The following NRK variants were observed in gnomAD, a reference collection of about 807,000 sequenced individuals.
NRK encodes the protein Nik related kinase, also known as nik-related protein kinase.
NRK carries 67 observed loss-of-function variants against 125.2 expected under a neutral mutation model. That is an observed-to-expected ratio of 0.54 (90% CI 0.44 to 0.66). The LOEUF (loss-of-function observed/expected upper bound fraction) is 0.66, where lower values mean the gene tolerates loss of function less well. Among genes scored for constraint, NRK ranks in the 30% least tolerant of loss-of-function variants. The pLI is 0.00. For synonymous variants in NRK, 458 were observed against 429.0 expected (o/e 1.07, Z -0.84); for missense variants, 1,224 against 1,192.9 (o/e 1.03, Z -0.38).
chrX:105,858,382 G>GT (rs34843921), intron 2 of NRK, among the ~76,000 whole-genome samples: 23,188 of 96,691 alleles, frequency 0.24, 2,184 homozygotes, highest in Middle Eastern at 0.33. Flanking sequence ...ACCATCTCCA[G>GT]TTTTTTTTTT....
rs1183154371 is a variant in NRK, at chrX:105,915,421, G to A, written c.2350-309G>A. Among the ~76,000 whole-genome samples the A allele has an allele frequency of 4.5e-5, 5 of 110,881 alleles. No individual in the cohort carries two copies. In the East Asian group the frequency reaches 1.4e-3, roughly 32 times the overall value. ...CTGATTTTAGACGTTCCTTTCACTT[G>A]ACATAAAATTCTTAGAAAAGTCATT... is the stretch of plus-strand genomic sequence containing the variant. On this transcript the variant is annotated intron_variant, in intron 14 of 28. Transcript: ENST00000243300.
At position 105,955,638 on chromosome X, in the gene NRK, T is replaced by A. The variant is rs1602713937; in HGVS notation, c.*38T>A. The A allele has an allele frequency of 2.9e-6, 2 of 682,372 alleles. No individual in the cohort carries two copies. The highest frequency in any genetic ancestry group is 6.9e-5 in the East Asian group (2 of 28,850). 56.2% of individuals were successfully genotyped at this position (682,372 alleles called of 1,213,427 possible). On this transcript the variant is annotated 3_prime_UTR_variant, in exon 29 of 29. Transcript: ENST00000243300. ...ATTTATTACCACATTATAAACATCATGTATAGGCAGTCTGCATCTTCAGAT... is the reference window on the plus strand; with the variant it reads ...ATTTATTACCACATTATAAACATCAAGTATAGGCAGTCTGCATCTTCAGAT...
intron 9 of NRK, 75 bp downstream of exon 9, chrX:105,900,747 C>G: frequency 3.0e-6 from 2 of 656,482 alleles, no homozygotes; most frequent in Non-Finnish European, 4.8e-6. Context: ...CTCTCTCTGT[C>G]GAAGAAGATG....
chrX:105,932,593 G>T (rs1459423151), intron 19 of NRK, among the ~76,000 whole-genome samples: 1 of 111,753 alleles, frequency 8.9e-6, no homozygotes, highest in African/African-American at 3.3e-5. Context: ...GAGAAATGGG[G>T]AGTATCTGGA....
At chrX:105,872,968 A>C (rs1384040291) in intron 2 of NRK, among the ~76,000 whole-genome samples, 1 of 111,054 alleles carries the variant, frequency 9.0e-6, no homozygotes, top group African/African-American at 3.3e-5. Flanking sequence ...TGCTATGAGA[A>C]AGCTGGCATC....
At chrX:105,837,315 T>C (rs1333178516) in intron 2 of NRK, among the ~76,000 whole-genome samples, 2 of 111,883 alleles carry the variant, frequency 1.8e-5, no homozygotes, top group Admixed American at 9.5e-5. Flanking sequence ...ATAAATAACC[T>C]GTACTGCAAA....
At chrX:105,851,128 G>T (rs2039466619) in intron 2 of NRK, among the ~76,000 whole-genome samples, 1 of 112,046 alleles carries the variant, frequency 8.9e-6, no homozygotes, top group Non-Finnish European at 1.9e-5. Context: ...AGCAGGCCTG[G>T]TCTTGCTGCC....
intron 2 of NRK, among the ~76,000 whole-genome samples, chrX:105,875,845 C>G (rs1341897649): frequency 9.0e-6 from 1 of 110,820 alleles, no homozygotes; most frequent in East Asian, 2.8e-4. Context: ...AGCCTATGAA[C>G]TTATACAAAG....
chrX:105,856,754 G>C (rs1453257433), intron 2 of NRK, among the ~76,000 whole-genome samples: 2 of 111,533 alleles, frequency 1.8e-5, no homozygotes, highest in African/African-American at 6.5e-5. Context: ...TCAGTGAGTG[G>C]GTTTTTGAGG....
chrX:105,872,816 T>A (rs779642241), intron 2 of NRK, among the ~76,000 whole-genome samples: 6 of 111,496 alleles, frequency 5.4e-5, no homozygotes, highest in African/African-American at 9.8e-5. Context: ...TAGCCACATG[T>A]CTTTGTTTTT....
At chrX:105,916,526 C>A (rs1359085806) in intron 15 of NRK, among the ~76,000 whole-genome samples, 2 of 111,468 alleles carry the variant, frequency 1.8e-5, no homozygotes, top group East Asian at 5.6e-4. Context: ...AGATATTGGA[C>A]AGTATGGCCA....
intron 5 of NRK, among the ~76,000 whole-genome samples, chrX:105,891,885 G>T (rs1004099349): frequency 9.0e-6 from 1 of 111,643 alleles, no homozygotes; most frequent in Non-Finnish European, 1.9e-5. Flanking sequence ...AGTAAATATG[G>T]CTGCATAGTT....
intron 4 of NRK, among the ~76,000 whole-genome samples, chrX:105,885,270 C>T (rs748909935): frequency 1.3e-4 from 14 of 111,936 alleles, no homozygotes; most frequent in Non-Finnish European, 2.6e-4. Context: ...ATCCATTTTT[C>T]AAGTACAGAA....
chrX:105,901,250 C>T (rs1336844063), intron 9 of NRK, among the ~76,000 whole-genome samples: 1 of 110,515 alleles, frequency 9.0e-6, no homozygotes, highest in Non-Finnish European at 1.9e-5. Context: ...TCTACCTCCC[C>T]ATCATTTAAA....
intron 11 of NRK, among the ~76,000 whole-genome samples, chrX:105,906,905 G>C (rs1282349189): frequency 9.2e-6 from 1 of 108,628 alleles, no homozygotes; most frequent in African/African-American, 3.4e-5. Flanking sequence ...CCAATTTTAA[G>C]TAACTAACTA....
intron 1 of NRK, among the ~76,000 whole-genome samples, chrX:105,825,479 T>C (rs1329459278): frequency 8.9e-6 from 1 of 112,338 alleles, no homozygotes; most frequent in Non-Finnish European, 1.9e-5. Context: ...TAGTTTAAGA[T>C]TGATACATTA....
intron 2 of NRK, among the ~76,000 whole-genome samples, chrX:105,877,199 C>T (rs922845774): frequency 3.6e-5 from 4 of 111,239 alleles, no homozygotes; most frequent in African/African-American, 9.8e-5. Flanking sequence ...ATCAGCCAAA[C>T]CCAAGTTGAG....
chrX:105,833,159 A>G (rs2039216972), intron 2 of NRK, among the ~76,000 whole-genome samples: 1 of 112,150 alleles, frequency 8.9e-6, no homozygotes, highest in African/African-American at 3.2e-5. Flanking sequence ...AACAGAGGGA[A>G]TGCTAGTATT....
intron 2 of NRK, among the ~76,000 whole-genome samples, chrX:105,877,879 G>C (rs962745283): frequency 9.0e-6 from 1 of 110,796 alleles, no homozygotes; most frequent in Non-Finnish European, 1.9e-5. Context: ...GCCATGGTTG[G>C]AATCTTTTAA....
Sources: gnomAD v4.1 joint callset for allele counts (sites outside exome capture counted in the v4.1 genomes callset) on GRCh38, gnomAD v4.1.1 for gene constraint, MANE v1.5 for transcripts, NCBI Gene and HGNC (gene_info 2026-07-23, HGNC 2026-07-21) for gene names.